SPOCK1: variants seen among roughly 807,000 people sequenced by gnomAD.
The protein encoded by SPOCK1 is testican-1.
A neutral mutation model predicts 55.3 loss-of-function variants in SPOCK1; 23 were observed. That is an observed-to-expected ratio of 0.42 (90% CI 0.30 to 0.59). SPOCK1 has a LOEUF of 0.59. Among genes scored for constraint, SPOCK1 ranks in the 20% least tolerant of loss-of-function variants. The probability of loss-of-function intolerance (pLI) is 0.22; values close to 1 mark genes in which losing one functional copy is unlikely to be tolerated. For synonymous variants in SPOCK1, 226 were observed against 221.0 expected, an observed-to-expected ratio of 1.02 and a Z score of -0.20; for missense variants, 499 against 552.5, an observed-to-expected ratio of 0.90 and a Z score of 0.97.
chr5:137,245,888 G>C (rs1029157703), intron 3 of SPOCK1, among the ~76,000 whole-genome samples: 2 of 152,020 alleles, frequency 1.3e-5, no homozygotes, highest in Non-Finnish European at 1.5e-5. Flanking sequence ...ACATATAAAA[G>C]GCTTTGAGAA....
intron 5 of SPOCK1, among the ~76,000 whole-genome samples, chr5:137,082,139 A>G (rs531649987): frequency 6.6e-6 from 1 of 152,330 alleles, no homozygotes; most frequent in African/African-American, 2.4e-5. Flanking sequence ...CACATGGTCC[A>G]TGCAGACCCC....
chr5:137,287,847 G>A (rs912556370), intron 2 of SPOCK1, among the ~76,000 whole-genome samples: 5 of 152,124 alleles, frequency 3.3e-5, no homozygotes, highest in African/African-American at 1.2e-4. Flanking sequence ...TGTGCTTTAG[G>A]CGGTACCTAC....
At chr5:137,276,448 G>A (rs1757069455) in intron 2 of SPOCK1, among the ~76,000 whole-genome samples, 1 of 152,194 alleles carries the variant, frequency 6.6e-6, no homozygotes, top group Non-Finnish European at 1.5e-5. Context: ...TCACACTGTA[G>A]AAGCTGGCTA....
intron 2 of SPOCK1, among the ~76,000 whole-genome samples, chr5:137,434,111 A>G (rs1392570533): frequency 2.0e-5 from 3 of 152,258 alleles, no homozygotes; most frequent in Non-Finnish European, 4.4e-5. Flanking sequence ...CTAATTAAAC[A>G]GATCCACCAA....
In SPOCK1 at chr5:137,358,387, C is replaced by T. The variant is rs575411589; in HGVS notation, c.187-91332G>A. ...CGTTTGGCTCTTATTACCTTCATGA[C>T]GGAAAGGAAGGAAGGAAGGAAGGAA... On this transcript the variant is annotated intron_variant, in intron 2 of 10. Coordinates refer to ENST00000394945, the MANE Select transcript of SPOCK1 (RefSeq NM_004598.4). Among the ~76,000 whole-genome samples, 15 of 79,082 alleles carry T rather than the reference C, an allele frequency of 1.9e-4. No individual in the cohort carries two copies. In the East Asian group the frequency reaches 3.7e-3, roughly 20 times the overall value. The allele number at this position is 79,082 out of a possible 152,430, so 51.9% of individuals were successfully genotyped here.
At chr5:137,327,369 G>C (rs1231694678) in intron 2 of SPOCK1, among the ~76,000 whole-genome samples, 3 of 152,242 alleles carry the variant, frequency 2.0e-5, no homozygotes, top group African/African-American at 7.2e-5. Flanking sequence ...AAAAAATACA[G>C]GTTTATTTTT....
chr5:137,290,448 G>C (rs1480923722), intron 2 of SPOCK1, among the ~76,000 whole-genome samples: 1 of 152,190 alleles, frequency 6.6e-6, no homozygotes, highest in Non-Finnish European at 1.5e-5. Context: ...AAACAAGGGA[G>C]GTGAAAGGAG....
chr5:137,489,861 G>T (rs113212084), intron 2 of SPOCK1, among the ~76,000 whole-genome samples: 1,972 of 152,314 alleles, frequency 0.013, 34 homozygotes, highest in South Asian at 0.03. Flanking sequence ...CAGTCCTCCT[G>T]CAGGGCTCAG....
chr5:137,210,015 G>C (rs985298669), intron 3 of SPOCK1, among the ~76,000 whole-genome samples: 1 of 152,178 alleles, frequency 6.6e-6, no homozygotes, highest in Non-Finnish European at 1.5e-5. Flanking sequence ...TACAAAGCCA[G>C]AACTGCAAGA....
chr5:137,337,299 A>G (rs892131555), intron 2 of SPOCK1, among the ~76,000 whole-genome samples: 1 of 152,348 alleles, frequency 6.6e-6, no homozygotes, highest in East Asian at 1.9e-4. Context: ...AGCTTTGCGT[A>G]TCAGGCTAAA....
chr5:137,035,055 T>C (rs1314437792), intron 6 of SPOCK1, among the ~76,000 whole-genome samples: 1 of 152,170 alleles, frequency 6.6e-6, no homozygotes. Flanking sequence ...ATGCCTTCCC[T>C]GTGAGTGAGG....
chr5:137,192,436 C>A (rs1755200949), intron 3 of SPOCK1, among the ~76,000 whole-genome samples: 1 of 151,500 alleles, frequency 6.6e-6, no homozygotes, highest in African/African-American at 2.4e-5. Flanking sequence ...CACACCAAAT[C>A]CCAGCCACTG....
chr5:137,290,548 G>T (rs1016800779), intron 2 of SPOCK1, among the ~76,000 whole-genome samples: 7 of 152,168 alleles, frequency 4.6e-5, no homozygotes, highest in African/African-American at 1.7e-4. Flanking sequence ...TGGTTACATG[G>T]GTGTGCTCAC....
intron 3 of SPOCK1, among the ~76,000 whole-genome samples, chr5:137,229,968 C>T (rs1466064652): frequency 6.6e-6 from 1 of 152,084 alleles, no homozygotes; most frequent in Non-Finnish European, 1.5e-5. Context: ...GGTAGGGGAC[C>T]CCTGCTGTAG....
At chr5:137,227,425 T>C (rs1464547408) in intron 3 of SPOCK1, among the ~76,000 whole-genome samples, 1 of 152,232 alleles carries the variant, frequency 6.6e-6, no homozygotes, top group Non-Finnish European at 1.5e-5. Flanking sequence ...AAGAGCAGAA[T>C]TGGTCACTGA....
chr5:136,994,505 T>C (rs770043691), intron 6 of SPOCK1, among the ~76,000 whole-genome samples: 1 of 151,962 alleles, frequency 6.6e-6, no homozygotes, highest in Non-Finnish European at 1.5e-5. Context: ...GTACATGATA[T>C]ATGGTAATTA....
intron 3 of SPOCK1, among the ~76,000 whole-genome samples, chr5:137,264,805 C>T (rs944295034): frequency 1.3e-5 from 2 of 152,014 alleles, no homozygotes; most frequent in Non-Finnish European, 1.5e-5. Flanking sequence ...TTTATTGAGC[C>T]GCACACAATG....
At chr5:137,104,444 A>G (rs1439488412) in intron 5 of SPOCK1, among the ~76,000 whole-genome samples, 2 of 152,218 alleles carry the variant, frequency 1.3e-5, no homozygotes, top group East Asian at 1.9e-4. Context: ...CAGTGAGATA[A>G]TGGACTAATA....
rs372693489 is a variant in SPOCK1 at position 137,302,175 on chromosome 5, AT to A, written c.187-35121del. On this transcript the variant is annotated intron_variant, in intron 2 of 10. Coordinates refer to ENST00000394945, the MANE Select transcript of SPOCK1 (RefSeq NM_004598.4). ...AATGTAAAGGGAAAGAGAAAATCAA[AT>A]TAGATATTAAATAGTTTTGAATGAT... 9.9e-4 allele frequency among the ~76,000 whole-genome samples: 150 copies of A among 152,254 alleles called. 2 individuals are homozygous for A. Among genetic ancestry groups the A allele is most frequent in the African/African-American group, 3.3e-3 (139 of 41,548 alleles).
Sources: allele counts gnomAD v4.1 joint callset (sites outside exome capture counted in the v4.1 genomes callset), GRCh38; gene constraint gnomAD v4.1.1; transcripts MANE v1.5; gene names NCBI Gene and HGNC (gene_info 2026-07-23, HGNC 2026-07-21).